Variants in ROS1 observed in about 807,000 individuals in gnomAD.
ROS1 encodes proto-oncogene tyrosine-protein kinase ROS.
A neutral mutation model predicts 273.5 loss-of-function variants in ROS1; 263 were observed. The observed-to-expected ratio is 0.96, with a 90% CI of 0.87 to 1.06. ROS1 has a LOEUF of 1.06. Ranked by LOEUF, ROS1 falls within the 50% of genes least tolerant of loss-of-function variation. The probability of loss-of-function intolerance (pLI) is 0.00; values close to 1 mark genes in which losing one functional copy is unlikely to be tolerated. For synonymous variants in ROS1, 1,008 were observed against 954.1 expected (o/e 1.06, Z -1.04); for missense variants, 2,833 against 2,751.1 (o/e 1.03, Z -0.67).
At chr6:117,294,564 G>A (rs72963521) in intron 43 of ROS1, among the ~76,000 whole-genome samples, 12,173 of 152,030 alleles carry the variant, frequency 0.08, 651 homozygotes, top group Admixed American at 0.12. Context: ...GGATATTAGC[G>A]TGCTCTTATC....
intron 2 of ROS1, among the ~76,000 whole-genome samples, chr6:117,417,144 C>A (rs911049983): frequency 6.6e-6 from 1 of 152,116 alleles, no homozygotes; most frequent in African/African-American, 2.4e-5. Context: ...AGCTCCAGAC[C>A]CAGATATCCA....
intron 16 of ROS1, among the ~76,000 whole-genome samples, chr6:117,384,549 C>T (rs1487994998): frequency 6.6e-6 from 1 of 152,134 alleles, no homozygotes; most frequent in South Asian, 2.1e-4. Context: ...AATAAATGGA[C>T]AGCAAGTACT....
rs1295718015 is a variant in ROS1 at position 117,319,985 on chromosome 6, AG to A, written c.5804del (p.Pro1935LeufsTer5). On this transcript the variant is annotated frameshift_variant, in exon 37 of 44. Coordinates refer to ENST00000368507, the MANE Select transcript of ROS1 (RefSeq NM_001378902.1). LOFTEE classifies it high-confidence loss of function. The stretch of plus-strand genomic sequence containing the variant: ...AGAGACGCAGAGTCAGTTTTTCCCG[AG>A]GGAAGGCAGGAAGATTTTCAATCTC... ...QEEIENLPAF[P>X]REKLTLRLLL... The A allele has an allele frequency of 6.2e-7, 1 of 1,613,360 alleles. No homozygotes were observed. Among genetic ancestry groups the A allele is most frequent in the Middle Eastern group, 1.7e-4 (1 of 6,054 alleles).
At chr6:117,377,109 A>AATT (rs955726815) in intron 18 of ROS1, among the ~76,000 whole-genome samples, 12 of 152,124 alleles carry the variant, frequency 7.9e-5, no homozygotes, top group East Asian at 3.9e-4. Flanking sequence ...TACACAGTCA[A>AATT]ATTATTATTA....
intron 2 of ROS1, among the ~76,000 whole-genome samples, chr6:117,417,769 T>A (rs895451344): frequency 1.3e-5 from 2 of 152,204 alleles, no homozygotes; most frequent in African/African-American, 4.8e-5. Flanking sequence ...AAAAGGGCCT[T>A]CTCTGATCGA....
At position 117,288,201 on chromosome 6, in the gene ROS1, C is replaced by A. The variant is rs747689292; in HGVS notation, c.*291G>T. On this transcript the variant is annotated 3_prime_UTR_variant, in exon 44 of 44. Coordinates refer to ENST00000368507, the MANE Select transcript of ROS1 (RefSeq NM_001378902.1). Reference sequence around the variant, plus strand: ...GAAAGGTGGGTAAGAGCCTAAAGCACCTCAAGGGAGAAGGGAGAGCAGTGT... The same window carrying A: ...GAAAGGTGGGTAAGAGCCTAAAGCAACTCAAGGGAGAAGGGAGAGCAGTGT... The A allele has an allele frequency of 2.6e-5, 11 of 423,968 alleles. No homozygotes were observed. The highest frequency in any genetic ancestry group is 6.3e-4 in the Middle Eastern group (1 of 1,600). 26.3% of individuals were successfully genotyped at this position (423,968 alleles called of 1,614,324 possible). A position where few individuals can be genotyped will look rare whatever the true frequency, so the allele number is the denominator to read the frequency against.
chr6:117,418,537 G>C (rs902945708), intron 1 of ROS1, 31 bp from the exon 2 acceptor site: 3 of 1,570,638 alleles, frequency 1.9e-6, no homozygotes, highest in Non-Finnish European at 2.6e-6. Flanking sequence ...GTAAACACCA[G>C]CCATCAGTAC....
intron 27 of ROS1, among the ~76,000 whole-genome samples, chr6:117,344,836 C>G (rs2128627158): frequency 6.6e-6 from 1 of 152,302 alleles, no homozygotes; most frequent in East Asian, 1.9e-4. Flanking sequence ...CGCTGCACAA[C>G]TCCAGGGAGC....
intron 18 of ROS1, among the ~76,000 whole-genome samples, chr6:117,367,697 T>A (rs1780382374): frequency 6.6e-6 from 1 of 152,240 alleles, no homozygotes; most frequent in Admixed American, 6.5e-5. Flanking sequence ...ATTAAATGTT[T>A]GACTTCAGGC....
chr6:117,374,094 C>A (rs1781113165), intron 18 of ROS1, among the ~76,000 whole-genome samples: 1 of 152,104 alleles, frequency 6.6e-6, no homozygotes, highest in South Asian at 2.1e-4. Flanking sequence ...CAATGTAATT[C>A]CCATTGAAAT....
chr6:117,408,000 G>A (rs1445306748), intron 5 of ROS1, among the ~76,000 whole-genome samples: 1 of 152,092 alleles, frequency 6.6e-6, no homozygotes, highest in Non-Finnish European at 1.5e-5. Context: ...TGGGAATACT[G>A]GCTAGCCATA....
chr6:117,326,232 A>T lies in ROS1; in HGVS notation c.5531T>A (p.Leu1844Ter), dbSNP rs1399029201. 49 of 1,589,898 alleles carry T rather than the reference A, an allele frequency of 3.1e-5. No individual in the cohort carries two copies. The highest frequency in any genetic ancestry group is 4.2e-5 in the Non-Finnish European group (49 of 1,170,454). The part of the protein sequence containing the change: ...EYSGISENII[L>*]VGDDFWIPET... Reference sequence around the variant, plus strand: ...CAGACATGGTAACATACCTCCAACTAATATAATATTCTCACTGATTCCACT... The same window carrying T: ...CAGACATGGTAACATACCTCCAACTTATATAATATTCTCACTGATTCCACT... Residue 1844 changes from leucine to a stop codon, truncating the protein, a stop_gained, in exon 34 of 44, where the codon TTA (leucine) becomes TAA (stop). Coordinates refer to ENST00000368507, the MANE Select transcript of ROS1 (RefSeq NM_001378902.1). LOFTEE classifies it high-confidence loss of function.
At chr6:117,298,044 G>A (rs200302760) in intron 43 of ROS1, among the ~76,000 whole-genome samples, 2 of 151,906 alleles carry the variant, frequency 1.3e-5, no homozygotes, top group African/African-American at 2.4e-5. Context: ...CACTAAAAAG[G>A]AATGAAATCA....
chr6:117,289,111 C>T (rs1026601220), intron 43 of ROS1, among the ~76,000 whole-genome samples: 3 of 152,242 alleles, frequency 2.0e-5, no homozygotes, highest in Admixed American at 6.5e-5. Flanking sequence ...GGGTGATTAA[C>T]TCTGCCTTAA....
chr6:117,418,647 G>A (rs1345979242), intron 1 of ROS1, 141 bp from the exon 2 acceptor site: 2 of 564,212 alleles, frequency 3.5e-6, no homozygotes, highest in East Asian at 6.5e-5. Flanking sequence ...AAATGTTTTA[G>A]AGGCATTAAA....
chr6:117,385,819 T>A lies in ROS1; in HGVS notation c.2153A>T (p.Lys718Ile), dbSNP rs1192547872. ...CAGCAGCCACACAAAAACGTCGCCTTTCGTGTCACTGTAGTAGAGGCTGTT... is the reference window on the plus strand; with the variant it reads ...CAGCAGCCACACAAAAACGTCGCCTATCGTGTCACTGTAGTAGAGGCTGTT... ...YNNSLYYSDT[K>I]GDVFVWLLNG... Residue 718 changes from lysine to isoleucine, a missense_variant, in exon 16 of 44, where the codon AAA (lysine) becomes ATA (isoleucine). Physicochemically the swap from Lys to Ile is moderately radical, Grantham distance 102. Transcript: ENST00000368507. 1.9e-6 allele frequency: 3 copies of A among 1,614,088 alleles called. No individual in the cohort carries two copies. The highest frequency in any genetic ancestry group is 3.3e-5 in the Admixed American group (2 of 60,000).
At position 117,310,281 on chromosome 6, in the gene ROS1, C is replaced by T. The variant is rs147454452; in HGVS notation, c.6216G>A (p.Arg2072=). 2 of 1,590,828 alleles carry T rather than the reference C, an allele frequency of 1.3e-6. No individual in the cohort carries two copies. Among genetic ancestry groups the T allele is most frequent in the South Asian group, 2.3e-5 (2 of 87,208 alleles). ...CAAGGCAATTTCTAGCTGCCAGATCCCTGTGGCAGAAGTTATATTTAATAA... is the reference window on the plus strand; with the variant it reads ...CAAGGCAATTTCTAGCTGCCAGATCTCTGTGGCAGAAGTTATATTTAATAA... ...VYLERMHFIH[R]DLAARNCLVS... is the part of the protein sequence containing the mutation. Residue 2072 remains arginine (R), a splice_region_variant and synonymous_variant, in exon 41 of 44, where the codon AGG becomes AGA. Transcript: ENST00000368507.
At chr6:117,352,426 A>G (rs2128636800) in intron 27 of ROS1, among the ~76,000 whole-genome samples, 1 of 152,336 alleles carries the variant, frequency 6.6e-6, no homozygotes, top group South Asian at 2.1e-4. Flanking sequence ...TGGGAAAAGT[A>G]GGATGAGGGG....
At chr6:117,360,574 A>G (rs1057097698) in intron 22 of ROS1, among the ~76,000 whole-genome samples, 169 bp from the exon 23 acceptor site, 2 of 151,918 alleles carry the variant, frequency 1.3e-5, no homozygotes, top group Non-Finnish European at 2.9e-5. Flanking sequence ...CACCAAGAGA[A>G]AAAATATTGC....
Sources: gnomAD v4.1 joint callset for allele counts (sites outside exome capture counted in the v4.1 genomes callset) on GRCh38, gnomAD v4.1.1 for gene constraint, MANE v1.5 for transcripts, NCBI Gene and HGNC (gene_info 2026-07-23, HGNC 2026-07-21) for gene names.